RALGAPA2: variants seen among roughly 807,000 people sequenced by gnomAD.
RALGAPA2 encodes the protein Ral GTPase activating protein catalytic subunit alpha 2.
In RALGAPA2, 139 loss-of-function variants were observed where a neutral mutation model predicts 230.4. The observed-to-expected ratio is 0.60, with a 90% CI of 0.53 to 0.69. The LOEUF is 0.69. RALGAPA2 is among the 30% of genes least tolerant of loss of function. The pLI, the probability that RALGAPA2 is intolerant of heterozygous loss-of-function variation, is 0.00. For missense variants in RALGAPA2, 2,163 were observed against 2,276.0 expected (o/e 0.95, Z 1.01); for synonymous variants, 847 against 837.8 (o/e 1.01, Z -0.19).
rs928177804 is a variant in RALGAPA2, at chr20:20,524,377, C to T, written c.3900+29G>A. 6 of 1,613,016 alleles carry T rather than the reference C, an allele frequency of 3.7e-6. No homozygotes were observed. In the African/African-American group the frequency reaches 5.3e-5, roughly 14 times the overall value. ...TTCTCTGTCATATAAACCCACACTC[C>T]ATTCCCCCAGGCCCAGGTGTAGACT... On this transcript the variant is annotated intron_variant, in intron 30 of 39. Transcript: ENST00000202677.
chr20:20,571,311 C>A, intron 23 of RALGAPA2, 147 bp downstream of exon 23: 2 of 912,572 alleles, frequency 2.2e-6, no homozygotes, highest in Non-Finnish European at 3.1e-6. Context: ...TTTTGAAAGA[C>A]CATTGTGCTT....
chr20:20,701,673 T>C (rs1603255737), intron 1 of RALGAPA2, among the ~76,000 whole-genome samples: 1 of 151,684 alleles, frequency 6.6e-6, no homozygotes, highest in African/African-American at 2.4e-5. Flanking sequence ...AAGGTTGCAG[T>C]GAGTGGAGAT....
intron 37 of RALGAPA2, among the ~76,000 whole-genome samples, chr20:20,426,952 G>T (rs779718607): frequency 2.0e-5 from 3 of 152,228 alleles, no homozygotes; most frequent in African/African-American, 4.8e-5. Context: ...TCTGTGGTTT[G>T]TACTATCCTA....
At chr20:20,535,321 A>G (rs2063470138) in intron 26 of RALGAPA2, among the ~76,000 whole-genome samples, 1 of 152,224 alleles carries the variant, frequency 6.6e-6, no homozygotes, top group African/African-American at 2.4e-5. Flanking sequence ...TAGCAACCTC[A>G]GATGCCTGGC....
At chr20:20,571,777 T>G (rs2064646361) in intron 22 of RALGAPA2, 71 bp downstream of exon 22, 1 of 1,489,746 alleles carries the variant, frequency 6.7e-7, no homozygotes, top group Non-Finnish European at 9.2e-7. Context: ...CTTGGGCAAT[T>G]ACATTTTTCA....
In RALGAPA2 at chr20:20,395,519, C is replaced by T. The variant is rs114094849; in HGVS notation, c.*35+1176G>A. ...ATGGAGACGGGGGTCTCGGCAAATG[C>T]GAAGTTTTGCAGCAAGGTGCCCTGC... On this transcript the variant is annotated intron_variant, in intron 39 of 39. Transcript: ENST00000202677. 6.2e-3 allele frequency among the ~76,000 whole-genome samples: 939 copies of T among 152,282 alleles called. 12 individuals are homozygous for T. Among genetic ancestry groups the T allele is most frequent in the African/African-American group, 0.022 (901 of 41,568 alleles).
At chr20:20,683,221 T>C (rs1425249567) in intron 1 of RALGAPA2, among the ~76,000 whole-genome samples, 1 of 152,250 alleles carries the variant, frequency 6.6e-6, no homozygotes, top group African/African-American at 2.4e-5. Context: ...CTGCCTGGTC[T>C]GTGTGGCCAT....
chr20:20,417,452 T>C (rs1274933638), intron 37 of RALGAPA2, among the ~76,000 whole-genome samples: 1 of 152,216 alleles, frequency 6.6e-6, no homozygotes, highest in African/African-American at 2.4e-5. Flanking sequence ...TTTGCTTCCA[T>C]GGCTACATGG....
intron 12 of RALGAPA2, among the ~76,000 whole-genome samples, chr20:20,618,340 G>A (rs1387398315): frequency 6.6e-6 from 1 of 152,178 alleles, no homozygotes; most frequent in African/African-American, 2.4e-5. Context: ...TCATACTTAT[G>A]AGCAGCACCA....
chr20:20,465,633 C>A (rs542670073), intron 37 of RALGAPA2, among the ~76,000 whole-genome samples: 1 of 152,296 alleles, frequency 6.6e-6, no homozygotes, highest in Non-Finnish European at 1.5e-5. Flanking sequence ...AAGGGATGGT[C>A]TTTTTTCTAA....
At chr20:20,608,802 C>T (rs1421557374) in intron 14 of RALGAPA2, among the ~76,000 whole-genome samples, 1 of 152,192 alleles carries the variant, frequency 6.6e-6, no homozygotes, top group Non-Finnish European at 1.5e-5. Context: ...AATGGGCCCA[C>T]TCTGATTCTC....
intron 23 of RALGAPA2, among the ~76,000 whole-genome samples, chr20:20,553,171 A>G (rs2063978126): frequency 6.6e-6 from 1 of 152,232 alleles, no homozygotes; most frequent in Admixed American, 6.5e-5. Flanking sequence ...GTTGTACACA[A>G]TGTGACTTCT....
In RALGAPA2 at chr20:20,599,488, C is replaced by T. The variant is rs7260793; in HGVS notation, c.2203+2194G>A. On this transcript the variant is annotated intron_variant, in intron 16 of 39. Transcript: ENST00000202677. ...GAATTGAATGAACATAGGAGGAAAA[C>T]GTGCTTCATATATGTAAAACCACAA... is the stretch of plus-strand genomic sequence containing the variant. 6.2e-3 allele frequency among the ~76,000 whole-genome samples: 951 copies of T among 152,176 alleles called. 6 individuals are homozygous for T. Among genetic ancestry groups the T allele is most frequent in the African/African-American group, 0.021 (877 of 41,528 alleles).
chr20:20,481,972 T>G (rs1187474258), intron 36 of RALGAPA2, among the ~76,000 whole-genome samples: 1 of 152,166 alleles, frequency 6.6e-6, no homozygotes, highest in African/African-American at 2.4e-5. Flanking sequence ...CCAAACAATT[T>G]TGAGATATAT....
intron 24 of RALGAPA2, among the ~76,000 whole-genome samples, chr20:20,543,679 A>G (rs1388483974): frequency 1.3e-5 from 2 of 152,160 alleles, no homozygotes; most frequent in African/African-American, 4.8e-5. Context: ...GAACTGAACA[A>G]TGAGAACACT....
intron 4 of RALGAPA2, among the ~76,000 whole-genome samples, chr20:20,649,997 T>C (rs557898384): frequency 2.0e-4 from 31 of 152,238 alleles, no homozygotes; most frequent in African/African-American, 5.3e-4. Flanking sequence ...TAGTCAGTAA[T>C]AGAAATTGAC....
At position 20,620,526 on chromosome 20, in the gene RALGAPA2, A is replaced by C. The variant is rs536517292; in HGVS notation, c.1338T>G (p.Asp446Glu). The C allele has an allele frequency of 6.2e-7, 1 of 1,613,944 alleles. No homozygotes were observed. The highest frequency in any genetic ancestry group is 1.7e-5 in the Admixed American group (1 of 60,020). Residue 446 changes from aspartate to glutamate, a missense_variant, in exon 11 of 40, where the codon GAT (aspartate) becomes GAG (glutamate). By Grantham distance (45) the Asp-to-Glu change is conservative. Coordinates refer to ENST00000202677, the MANE Select transcript of RALGAPA2 (RefSeq NM_020343.4). ...QDKPVFMEEP[D>E]RKDVAQEDAE... is the part of the protein sequence containing the mutation. ...CATCTTCTTGGGCAACATCTTTTCT[A>C]TCTGGCTCCTCCATGAACACAGGTT...
intron 37 of RALGAPA2, among the ~76,000 whole-genome samples, chr20:20,435,716 G>A (rs1263984120): frequency 2.6e-5 from 4 of 152,242 alleles, no homozygotes; most frequent in South Asian, 2.1e-4. Context: ...ATGCTGCCCC[G>A]GAGTCCCAGT....
chr20:20,464,835 G>T lies in RALGAPA2; in HGVS notation c.5495+7994C>A, dbSNP rs1181492910. On this transcript the variant is annotated intron_variant, in intron 37 of 39. Transcript: ENST00000202677. ...AAAAAAACACAAAAACCAATTTTTC[G>T]GTAAAAATTATTTGCTTCCTCTTGA... 2.0e-5 allele frequency among the ~76,000 whole-genome samples: 3 copies of T among 151,962 alleles called. No homozygotes were observed. The East Asian group carries it at 5.8e-4, about 29-fold the overall frequency.
Sources: allele counts gnomAD v4.1 joint callset (sites outside exome capture counted in the v4.1 genomes callset), GRCh38; gene constraint gnomAD v4.1.1; transcripts MANE v1.5; gene names NCBI Gene and HGNC (gene_info 2026-07-23, HGNC 2026-07-21).